The following SATB1 variants were observed in gnomAD, a reference collection of about 807,000 sequenced individuals.
SATB1 encodes SATB homeobox 1, also known as DNA-binding protein SATB1.
SATB1 carries 11 observed loss-of-function variants against 86.9 expected under a neutral mutation model. The observed-to-expected ratio is 0.13, with a 90% CI of 0.08 to 0.21. SATB1 has a LOEUF of 0.21. Ranked by LOEUF, SATB1 falls within the 10% of genes least tolerant of loss-of-function variation. The pLI is 1.00. For missense variants in SATB1, 551 were observed against 937.6 expected, an observed-to-expected ratio of 0.59 and a Z score of 5.39; for synonymous variants, 357 against 357.2, an observed-to-expected ratio of 1.00 and a Z score of 0.01.
intron 8 of SATB1, among the ~76,000 whole-genome samples, chr3:18,380,146 T>C (rs1695973045): frequency 6.6e-6 from 1 of 152,132 alleles, no homozygotes; most frequent in African/African-American, 2.4e-5. Flanking sequence ...TTAATACCTA[T>C]TTTTCTCACT....
chr3:18,445,178 G>GGGCCC (rs1699357868), intron 1 of SATB1: 1 of 968,532 alleles, frequency 1.0e-6, no homozygotes, highest in East Asian at 1.2e-4. Flanking sequence ...GGGGCGGCCA[G>GGGCCC]GGCCCGGCCC....
intron 9 of SATB1, among the ~76,000 whole-genome samples, chr3:18,370,400 G>A (rs1209786200): frequency 6.7e-6 from 1 of 149,834 alleles, no homozygotes; most frequent in Admixed American, 6.7e-5. Flanking sequence ...ATCACTAAGA[G>A]CCATCCCCAA....
At chr3:18,442,484 T>C (rs1699267583), upstream of SATB1, among the ~76,000 whole-genome samples, 1 of 152,164 alleles carries the variant, frequency 6.6e-6, no homozygotes, top group Non-Finnish European at 1.5e-5. Context: ...AGAATAAACA[T>C]ATTTGGTATA....
chr3:18,434,391 A>C (rs866295267), intron 2 of SATB1, among the ~76,000 whole-genome samples: 3 of 151,766 alleles, frequency 2.0e-5, no homozygotes, highest in Non-Finnish European at 4.4e-5. Flanking sequence ...AAGTATATAT[A>C]TATATATAAA....
intron 9 of SATB1, among the ~76,000 whole-genome samples, chr3:18,355,649 C>CA (rs553808759): frequency 4.1e-4 from 62 of 150,270 alleles, no homozygotes; most frequent in African/African-American, 7.9e-4. Flanking sequence ...TGCAAAAAGA[C>CA]AAAAAAAACA....
At chr3:18,414,087 C>G (rs1370910815) in intron 5 of SATB1, among the ~76,000 whole-genome samples, 1 of 152,010 alleles carries the variant, frequency 6.6e-6, no homozygotes, top group Non-Finnish European at 1.5e-5. Flanking sequence ...CAGCAGCATC[C>G]TACAGTTCAA....
chr3:18,417,670 A>G (rs1698188225), intron 2 of SATB1: 1 of 698,544 alleles, frequency 1.4e-6, no homozygotes, highest in African/African-American at 1.8e-5. Context: ...ACTTAACCAA[A>G]CTGGTGCTCA....
rs1280855873 is a variant in SATB1, at chr3:18,352,842, T to G, written c.1576-647A>C. 6.6e-6 allele frequency: 1 copy of G among 152,536 alleles called. No homozygotes were observed. The highest frequency in any genetic ancestry group is 1.5e-5 in the Non-Finnish European group (1 of 68,318). 9.4% of individuals were successfully genotyped at this position (152,536 alleles called of 1,614,324 possible). A position where few individuals can be genotyped will look rare whatever the true frequency, so the allele number is the denominator to read the frequency against. ...CCTGCTGCAGTGGGAGCATATGATT[T>G]GTCAGGCAAGAATTTAATAGGTTTC... On this transcript the variant is annotated intron_variant, in intron 9 of 10. Transcript: ENST00000338745. The surrounding 1 kb of genome is among the most constrained non-coding windows in gnomAD (Gnocchi z 4.1).
intron 9 of SATB1, among the ~76,000 whole-genome samples, chr3:18,362,881 A>AAAAAAAAAAAAAAAAC (rs373536891): frequency 5.5e-5 from 6 of 108,220 alleles, no homozygotes; most frequent in Non-Finnish European, 7.5e-5. Flanking sequence ...AAAAAAAAAA[A>AAAAAAAAAAAAAAAAC]CCAAAACCCC....
In SATB1 at chr3:18,345,975, A is replaced by AGAT. The variant is rs1694034037; in HGVS notation, c.*3192_*3194dup. On this transcript the variant is annotated 3_prime_UTR_variant, in exon 11 of 11. Transcript: ENST00000338745. ...GTTTTCTATTCAAGCCAGTATTTTT[A>AGAT]GATAAACACAGATATAGATATCGCT... is the stretch of plus-strand genomic sequence containing the variant. The AGAT allele has an allele frequency of 6.6e-6, 1 of 152,164 alleles. No individual in the cohort carries two copies. The highest frequency in any genetic ancestry group is 1.5e-5 in the Non-Finnish European group (1 of 67,978). 9.4% of individuals were successfully genotyped at this position (152,164 alleles called of 1,614,324 possible).
chr3:18,357,214 T>C (rs1488725797), intron 9 of SATB1, among the ~76,000 whole-genome samples: 1 of 151,864 alleles, frequency 6.6e-6, no homozygotes, highest in Admixed American at 6.6e-5. Flanking sequence ...TACAGTATAA[T>C]AATATATGAT....
chr3:18,389,266 T>C (rs2125104718), intron 7 of SATB1, among the ~76,000 whole-genome samples: 1 of 151,144 alleles, frequency 6.6e-6, no homozygotes. Flanking sequence ...TTTGGGTTTT[T>C]TTTTTTTTTT....
intron 5 of SATB1, among the ~76,000 whole-genome samples, chr3:18,403,685 T>A (rs1021580493): frequency 6.6e-6 from 1 of 152,086 alleles, no homozygotes; most frequent in Non-Finnish European, 1.5e-5. Context: ...AGTCTATGCA[T>A]GGTGATGTAT....
intron 5 of SATB1, among the ~76,000 whole-genome samples, chr3:18,412,176 T>C (rs1697881666): frequency 6.6e-6 from 1 of 152,042 alleles, no homozygotes; most frequent in Non-Finnish European, 1.5e-5. Flanking sequence ...TTGTTAGTCA[T>C]TGCACCGTGA....
At chr3:18,427,382 T>A (rs1246837262), upstream of SATB1, among the ~76,000 whole-genome samples, 3 of 152,136 alleles carry the variant, frequency 2.0e-5, no homozygotes, top group Non-Finnish European at 4.4e-5. Flanking sequence ...AAAGAAAAAT[T>A]ATAGTGGTCC....
chr3:18,416,589 A>T (rs1487090019), intron 3 of SATB1, among the ~76,000 whole-genome samples: 2 of 152,132 alleles, frequency 1.3e-5, no homozygotes, highest in African/African-American at 4.8e-5. Flanking sequence ...TTGACTCTCA[A>T]CAGTCCATCT....
rs1054543065 is a variant in SATB1 at position 18,418,854 on chromosome 3, C to A, written c.212-1776G>T. Among the ~76,000 whole-genome samples, 9 of 152,152 alleles carry A rather than the reference C, an allele frequency of 5.9e-5. No individual in the cohort carries two copies. In the East Asian group the frequency reaches 1.5e-3, roughly 26 times the overall value. ...TATCTGAGACCCTCCTACAATTAAA[C>A]TGCATTTTTAGAATACATCCAAAAC... On this transcript the variant is annotated intron_variant, in intron 2 of 10. Coordinates refer to ENST00000338745, the MANE Select transcript of SATB1 (RefSeq NM_002971.6).
At chr3:18,409,855 G>A (rs764920462) in intron 5 of SATB1, among the ~76,000 whole-genome samples, 3 of 151,992 alleles carry the variant, frequency 2.0e-5, no homozygotes, top group African/African-American at 2.4e-5. Flanking sequence ...GGAGCTGCTC[G>A]TAAAAGACCA....
In SATB1 at chr3:18,424,161, G is replaced by GA. The variant is rs1559459934; in HGVS notation, c.-560dup. The GA allele has an allele frequency of 1.3e-5, 2 of 151,890 alleles. No individual in the cohort carries two copies. The highest frequency in any genetic ancestry group is 4.8e-5 in the African/African-American group (2 of 41,294). 9.4% of individuals were successfully genotyped at this position (151,890 alleles called of 1,614,324 possible). On this transcript the variant is annotated 5_prime_UTR_variant, in exon 1 of 11. Transcript: ENST00000338745. Reference sequence around the variant, plus strand: ...CACTGCGGACAAGGTCTCCAAAAAGGAAAAAAGGTCTCTTCGCGTCTCTCC... The same window carrying GA: ...CACTGCGGACAAGGTCTCCAAAAAGGAAAAAAAGGTCTCTTCGCGTCTCTCC...
Sources: allele counts gnomAD v4.1 joint callset (sites outside exome capture counted in the v4.1 genomes callset), GRCh38; gene constraint gnomAD v4.1.1; non-coding constraint Gnocchi (gnomAD v3.1); transcripts MANE v1.5; gene names NCBI Gene and HGNC (gene_info 2026-07-23, HGNC 2026-07-21).